The following PTPRN2 variants were observed in gnomAD, a reference collection of about 807,000 sequenced individuals.
PTPRN2 encodes protein tyrosine phosphatase receptor type N2.
PTPRN2 carries 74 observed loss-of-function variants against 118.8 expected under a neutral mutation model. The observed-to-expected ratio is 0.62, with a 90% confidence interval of 0.52 to 0.76. PTPRN2 has a LOEUF of 0.76. Among genes scored for constraint, PTPRN2 ranks in the 30% least tolerant of loss-of-function variants. The pLI is 0.00. For missense variants in PTPRN2, 1,481 were observed against 1,394.4 expected (o/e 1.06, Z -0.99); for synonymous variants, 641 against 608.0 (o/e 1.05, Z -0.80).
chr7:158,166,819 G>C (rs1310348853), intron 6 of PTPRN2, 112 bp downstream of exon 6: 9 of 1,289,358 alleles, frequency 7.0e-6, no homozygotes, highest in Non-Finnish European at 9.0e-6. Flanking sequence ...CGTCCTCGGG[G>C]GAGTGCGGTG....
At chr7:158,541,849 C>T (rs1826002009) in intron 1 of PTPRN2, 1 of 560,690 alleles carries the variant, frequency 1.8e-6, no homozygotes, top group South Asian at 7.8e-5. Context: ...ATGCGCATCA[C>T]ACCTGCTTCC....
At chr7:157,731,908 G>A (rs1172728796) in intron 12 of PTPRN2, among the ~76,000 whole-genome samples, 15 of 35,652 alleles carry the variant, frequency 4.2e-4, no homozygotes, top group Admixed American at 9.2e-4. Context: ...ACTCTTTCCC[G>A]TCCCATGCGC....
rs1478134288 is a variant in PTPRN2, at chr7:157,929,276, C to T, written c.1724-30539G>A. Among the ~76,000 whole-genome samples, 2 of 152,148 alleles carry T rather than the reference C, an allele frequency of 1.3e-5. No homozygotes were observed. The highest frequency in any genetic ancestry group is 2.9e-5 in the Non-Finnish European group (2 of 68,020). Reference sequence around the variant, plus strand: ...CCAGTACGCCGTGGCAGCCTGCCATCCGCTCTCTGCTCCTCTGACTACCTT... The same window carrying T: ...CCAGTACGCCGTGGCAGCCTGCCATTCGCTCTCTGCTCCTCTGACTACCTT... On this transcript the variant is annotated intron_variant, in intron 11 of 22. Coordinates refer to ENST00000389418, the MANE Select transcript of PTPRN2 (RefSeq NM_002847.5). This position sits in a 1 kb window ranked among gnomAD's most constrained non-coding sequence, Gnocchi z 4.4.
chr7:158,081,349 C>A lies in PTPRN2; in HGVS notation c.1672G>T (p.Val558Leu). ...EVLGPAVTFK[V>L]SANVQNVTTE... ...GTCACGTTTTGGACATTGGCGCTCA[C>A]TTTGAAGGTCACTGCTGGTCCGAGA... Residue 558 changes from valine (V) to leucine (L), a missense_variant, in exon 11 of 23, where the codon GTG becomes TTG. This residue lies in a region of PTPRN2 where 1,115 missense variants were observed against 994.2 expected (regional missense o/e 1.12). Coordinates refer to ENST00000389418, the MANE Select transcript of PTPRN2 (RefSeq NM_002847.5). 6.2e-7 allele frequency: 1 copy of A among 1,614,200 alleles called. No homozygotes were observed. Among genetic ancestry groups the A allele is most frequent in the East Asian group, 2.2e-5 (1 of 44,886 alleles).
rs151009313 is a variant in PTPRN2 at position 157,903,588 on chromosome 7, C to T, written c.1724-4851G>A. On this transcript the variant is annotated intron_variant, in intron 11 of 22. Coordinates refer to ENST00000389418, the MANE Select transcript of PTPRN2 (RefSeq NM_002847.5). The surrounding 1 kb of genome is among the most constrained non-coding windows in gnomAD (Gnocchi z 4.2). Reference sequence around the variant, plus strand: ...TGGACCTTTTAAAATGTAGTTCAGTCGGTTTAAATCAGCGATTGAAGCAAA... The same window carrying T: ...TGGACCTTTTAAAATGTAGTTCAGTTGGTTTAAATCAGCGATTGAAGCAAA... Among the ~76,000 whole-genome samples the T allele has an allele frequency of 1.8e-4, 27 of 151,858 alleles. No homozygotes were observed. The highest frequency in any genetic ancestry group is 5.2e-4 in the Admixed American group (8 of 15,262).
chr7:157,759,269 G>A (rs1801993922), intron 12 of PTPRN2, among the ~76,000 whole-genome samples: 1 of 152,228 alleles, frequency 6.6e-6, no homozygotes, highest in South Asian at 2.1e-4. Context: ...TGTCAATGCA[G>A]CACCGTGTCC....
intron 2 of PTPRN2, among the ~76,000 whole-genome samples, chr7:158,366,014 C>T (rs574129656): frequency 2.0e-5 from 3 of 147,640 alleles, no homozygotes; most frequent in East Asian, 2.1e-4. Flanking sequence ...GCCCAATGCA[C>T]GTGTGCAAAT....
intron 3 of PTPRN2, among the ~76,000 whole-genome samples, chr7:158,313,004 G>A (rs1176211559): frequency 6.6e-6 from 1 of 151,910 alleles, no homozygotes; most frequent in Non-Finnish European, 1.5e-5. Flanking sequence ...AGGTGAGTGT[G>A]CAGGTGTGTG....
Position 158,081,281 on chromosome 7 carries a change from T to TGCACACAC in PTPRN2, c.1723+16_1723+17insGTGTGTGC. The TGCACACAC allele has an allele frequency of 1.2e-6, 2 of 1,608,744 alleles. No homozygotes were observed. Among genetic ancestry groups the TGCACACAC allele is most frequent in the Non-Finnish European group, 1.7e-6 (2 of 1,175,262 alleles). The stretch of plus-strand genomic sequence containing the variant: ...ACACGTGTGTGTGCGTGTACGTGTG[T>TGCACACAC]GTGGAAACAGCCTCACCTGTGGCCT... On this transcript the variant is annotated intron_variant, in intron 11 of 22. Transcript: ENST00000389418.
At chr7:157,980,406 G>A (rs920832004) in intron 11 of PTPRN2, among the ~76,000 whole-genome samples, 15 of 152,198 alleles carry the variant, frequency 9.9e-5, no homozygotes, top group African/African-American at 1.7e-4. Context: ...CTATTTGTCG[G>A]AGTTGGAAAA....
At chr7:158,257,235 C>T (rs563831675) in intron 3 of PTPRN2, among the ~76,000 whole-genome samples, 15 of 152,272 alleles carry the variant, frequency 9.9e-5, no homozygotes, top group South Asian at 8.3e-4. Context: ...CTGCTCAGGA[C>T]GCAGTCAGAC....
chr7:157,743,779 G>A (rs1800767530), intron 12 of PTPRN2, among the ~76,000 whole-genome samples: 1 of 152,152 alleles, frequency 6.6e-6, no homozygotes, highest in Non-Finnish European at 1.5e-5. Context: ...CAAGGCTGTG[G>A]CTGGGATAAC....
chr7:157,749,854 A>G (rs540252322), intron 12 of PTPRN2, among the ~76,000 whole-genome samples: 85 of 92,974 alleles, frequency 9.1e-4, no homozygotes, highest in East Asian at 2.0e-3. Context: ...TGGGCTGTTG[A>G]GGTGATTCTG....
chr7:158,564,657 C>T (rs1260128989), intron 1 of PTPRN2, among the ~76,000 whole-genome samples: 3 of 152,280 alleles, frequency 2.0e-5, no homozygotes, highest in Non-Finnish European at 4.4e-5. Context: ...GACTCCTCAC[C>T]TTCCACTGCA....
intron 3 of PTPRN2, among the ~76,000 whole-genome samples, chr7:158,252,104 C>G (rs1796720389): frequency 6.6e-6 from 1 of 152,202 alleles, no homozygotes; most frequent in Non-Finnish European, 1.5e-5. Context: ...TTCGCCTAAG[C>G]AGCCTGCCTC....
chr7:157,548,249 A>G (rs1477982170), intron 22 of PTPRN2, among the ~76,000 whole-genome samples: 2 of 152,134 alleles, frequency 1.3e-5, no homozygotes, highest in East Asian at 1.9e-4. Context: ...AAACAACAAC[A>G]ACAACAAAAA....
At chr7:158,127,433 G>A (rs13437759) in intron 9 of PTPRN2, among the ~76,000 whole-genome samples, 48,797 of 151,724 alleles carry the variant, frequency 0.32, 8,043 homozygotes, top group East Asian at 0.42. Flanking sequence ...CCAGAGACCA[G>A]GAAACCCAAG....
At chr7:157,566,002 T>C (rs1799470374) in intron 21 of PTPRN2, among the ~76,000 whole-genome samples, 1 of 152,244 alleles carries the variant, frequency 6.6e-6, no homozygotes, top group Non-Finnish European at 1.5e-5. Context: ...GTCTACTTGC[T>C]GCTAAACTGG....
At chr7:157,543,520 TGCAGGA>T (rs1798111942) in intron 22 of PTPRN2, among the ~76,000 whole-genome samples, 3 of 152,228 alleles carry the variant, frequency 2.0e-5, no homozygotes, top group African/African-American at 7.2e-5. Context: ...GGATGGAGGC[TGCAGGA>T]GCTGCCATGG....
Sources: gnomAD v4.1 joint callset for allele counts (sites outside exome capture counted in the v4.1 genomes callset) on GRCh38, gnomAD v4.1.1 for gene constraint, gnomAD v4.1.1 regional missense constraint, Gnocchi (gnomAD v3.1) non-coding constraint, MANE v1.5 for transcripts, NCBI Gene and HGNC (gene_info 2026-07-23, HGNC 2026-07-21) for gene names.